ACOXL: variants seen among roughly 807,000 people sequenced by gnomAD.
ACOXL encodes acyl-coenzyme A oxidase-like protein.
Under a neutral mutation model 71.9 loss-of-function variants are expected in ACOXL, and 70 were observed. The ratio of observed to expected loss-of-function variants is 0.97; its 90% CI spans 0.80 to 1.19. The LOEUF is 1.19. Among genes scored for constraint, ACOXL ranks in the 50% most tolerant of loss-of-function variants. The pLI is 0.00. For synonymous variants in ACOXL, 253 were observed against 281.6 expected, an observed-to-expected ratio of 0.90 and a Z score of 1.02; for missense variants, 703 against 736.3, an observed-to-expected ratio of 0.95 and a Z score of 0.52.
intron 14 of ACOXL, among the ~76,000 whole-genome samples, chr2:111,001,186 C>T (rs536766622): frequency 6.6e-6 from 1 of 152,296 alleles, no homozygotes; most frequent in African/African-American, 2.4e-5. Flanking sequence ...CTTCTCAACA[C>T]CCCCAAGGGC....
intron 11 of ACOXL, among the ~76,000 whole-genome samples, chr2:110,928,570 T>C (rs1305936258): frequency 6.6e-6 from 1 of 152,260 alleles, no homozygotes; most frequent in Non-Finnish European, 1.5e-5. Context: ...TGTTTGGTCT[T>C]TTTATACAAA....
At chr2:111,041,074 A>G (rs2065757998) in intron 15 of ACOXL, among the ~76,000 whole-genome samples, 1 of 151,982 alleles carries the variant, frequency 6.6e-6, no homozygotes, top group Non-Finnish European at 1.5e-5. Flanking sequence ...CTCCAGGTGG[A>G]GGGTGAGCTA....
At chr2:111,038,896 G>GA (rs1171073265) in intron 15 of ACOXL, among the ~76,000 whole-genome samples, 15 of 151,910 alleles carry the variant, frequency 9.9e-5, no homozygotes, top group South Asian at 8.3e-4. Context: ...ATGAACTATA[G>GA]AAAAAAAACA....
intron 14 of ACOXL, among the ~76,000 whole-genome samples, chr2:111,022,079 G>A (rs2064787253): frequency 2.6e-5 from 4 of 152,284 alleles, no homozygotes; most frequent in South Asian, 2.1e-4. Context: ...AAGGCCGGAC[G>A]TGGTGGCTCA....
chr2:110,908,759 G>T (rs1291196043), intron 10 of ACOXL, 30 bp from the exon 11 acceptor site: 11 of 1,578,234 alleles, frequency 7.0e-6, no homozygotes, highest in Non-Finnish European at 8.7e-6. Context: ...CTGGATTTTG[G>T]TAAAAATCGT....
chr2:111,040,102 T>G (rs3789078), intron 15 of ACOXL, among the ~76,000 whole-genome samples: 15,944 of 152,248 alleles, frequency 0.1, 1,090 homozygotes, highest in African/African-American at 0.19. Context: ...TGTGCTATTT[T>G]AAGGAGACAC....
chr2:110,776,489 G>A (rs973748576), intron 2 of ACOXL, among the ~76,000 whole-genome samples: 7 of 152,172 alleles, frequency 4.6e-5, no homozygotes, highest in African/African-American at 9.7e-5. Flanking sequence ...AGAGGGACAG[G>A]TGGGGGCCTC....
rs552075178 is a variant in ACOXL at position 110,765,407 on chromosome 2, A to G, written c.-22-2961A>G. ...CTCTTTTTTTTGCTTTTCAAAACTG[A>G]AGATATGCATGTTGGCTCTGTTATT... On this transcript the variant is annotated intron_variant, in intron 1 of 17. Coordinates refer to ENST00000439055, the MANE Select transcript of ACOXL (RefSeq NM_001142807.4). Among the ~76,000 whole-genome samples the G allele has an allele frequency of 1.4e-3, 208 of 152,196 alleles. 2 individuals are homozygous for G. Among genetic ancestry groups the G allele is most frequent in the African/African-American group, 4.7e-3 (197 of 41,518 alleles).
At chr2:110,824,615 G>T (rs1688966441) in intron 9 of ACOXL, among the ~76,000 whole-genome samples, 1 of 151,778 alleles carries the variant, frequency 6.6e-6, no homozygotes, top group African/African-American at 2.4e-5. Flanking sequence ...TGCTTATTCA[G>T]TGAACTTTTA....
chr2:110,952,020 T>A (rs2061350161), intron 12 of ACOXL, among the ~76,000 whole-genome samples: 1 of 152,210 alleles, frequency 6.6e-6, no homozygotes, highest in African/African-American at 2.4e-5. Flanking sequence ...GTGTTTCTTA[T>A]TTTTCTGTTC....
chr2:111,002,239 C>G (rs1391752273), intron 14 of ACOXL, among the ~76,000 whole-genome samples: 2 of 150,508 alleles, frequency 1.3e-5, no homozygotes, highest in Non-Finnish European at 2.9e-5. Flanking sequence ...TCCTAACTCT[C>G]ATAGACTGTG....
rs1354529414 is a variant in ACOXL, at chr2:110,905,325, C to T, written c.789-3464C>T. On this transcript the variant is annotated intron_variant, in intron 10 of 17. Coordinates refer to ENST00000439055, the MANE Select transcript of ACOXL (RefSeq NM_001142807.4). ...AGTTAGGGGTGGGGTCAGCTGCAGG[C>T]AGAGAGCCCTGCTTGGACAGAGGTC... 5.3e-5 allele frequency among the ~76,000 whole-genome samples: 8 copies of T among 152,188 alleles called. No homozygotes were observed. The East Asian group carries it at 1.6e-3, about 30-fold the overall frequency.
chr2:111,046,999 CAAAGTGG>C (rs1558909597), intron 15 of ACOXL, among the ~76,000 whole-genome samples: 1 of 152,148 alleles, frequency 6.6e-6, no homozygotes, highest in Non-Finnish European at 1.5e-5. Flanking sequence ...CTCCAGAAAT[CAAAGTGG>C]CAGCACTACT....
intron 9 of ACOXL, among the ~76,000 whole-genome samples, chr2:110,808,657 A>T (rs992991631): frequency 2.0e-5 from 3 of 152,148 alleles, no homozygotes; most frequent in African/African-American, 7.2e-5. Context: ...ATGTGCTACC[A>T]TCCAGCTGGG....
chr2:110,963,010 C>T (rs1230557236), intron 12 of ACOXL, among the ~76,000 whole-genome samples: 1 of 152,180 alleles, frequency 6.6e-6, no homozygotes, highest in African/African-American at 2.4e-5. Flanking sequence ...GCCAAACTTA[C>T]TTTCTCCTGT....
intron 10 of ACOXL, among the ~76,000 whole-genome samples, chr2:110,841,962 G>A (rs998507591): frequency 2.0e-5 from 3 of 152,152 alleles, no homozygotes; most frequent in South Asian, 2.1e-4. Context: ...GTCAAAATGC[G>A]TTGAGATGTT....
intron 10 of ACOXL, among the ~76,000 whole-genome samples, chr2:110,848,888 A>G (rs1217609104): frequency 1.3e-5 from 2 of 152,158 alleles, no homozygotes; most frequent in African/African-American, 2.4e-5. Context: ...CCGTGTAGAC[A>G]GCAGAATCCT....
intron 9 of ACOXL, among the ~76,000 whole-genome samples, chr2:110,808,598 C>G (rs956680455): frequency 6.6e-6 from 1 of 152,196 alleles, no homozygotes; most frequent in Non-Finnish European, 1.5e-5. Context: ...CTCTGTCCCT[C>G]TGGCCTCATT....
chr2:110,799,004 C>A lies in ACOXL; in HGVS notation c.461-10C>A. The A allele has an allele frequency of 6.2e-7, 1 of 1,613,642 alleles. No individual in the cohort carries two copies. The highest frequency in any genetic ancestry group is 8.5e-7 in the Non-Finnish European group (1 of 1,179,662). On this transcript the variant is annotated splice_polypyrimidine_tract_variant and intron_variant, in intron 6 of 17. Coordinates refer to ENST00000439055, the MANE Select transcript of ACOXL (RefSeq NM_001142807.4). Reference sequence around the variant, plus strand: ...GGAGAGCTTAATAATGATCTCGATGCCTTCCTTAGGGCCCCACTGTTTCAT... The same window carrying A: ...GGAGAGCTTAATAATGATCTCGATGACTTCCTTAGGGCCCCACTGTTTCAT...
Sources: allele counts gnomAD v4.1 joint callset (sites outside exome capture counted in the v4.1 genomes callset), GRCh38; gene constraint gnomAD v4.1.1; transcripts MANE v1.5; gene names NCBI Gene and HGNC (gene_info 2026-07-23, HGNC 2026-07-21).